Variants in GALNT10 observed in about 807,000 individuals in gnomAD.
GALNT10 encodes GalNAc transferase 10.
Under a neutral mutation model 75.0 loss-of-function variants are expected in GALNT10, and 41 were observed. That is an observed-to-expected ratio of 0.55 (90% CI 0.43 to 0.71). The LOEUF is 0.71. Ranked by LOEUF, GALNT10 falls within the 30% of genes least tolerant of loss-of-function variation. The pLI, the probability that GALNT10 is intolerant of heterozygous loss-of-function variation, is 0.00. For missense variants in GALNT10, 727 were observed against 818.5 expected, an observed-to-expected ratio of 0.89 and a Z score of 1.36; for synonymous variants, 302 against 313.0, an observed-to-expected ratio of 0.96 and a Z score of 0.37.
intron 4 of GALNT10, among the ~76,000 whole-genome samples, chr5:154,353,867 A>ACTCTTATGTGGCTCCCAC (rs1169705599): frequency 6.6e-6 from 1 of 150,924 alleles, no homozygotes; most frequent in African/African-American, 2.4e-5. Context: ...CCCCTTCCTG[A>ACTCTTATGTGGCTCCCAC]CTCCCAGCTC....
intron 3 of GALNT10, among the ~76,000 whole-genome samples, chr5:154,321,198 T>G (rs1359849053): frequency 1.3e-5 from 2 of 152,200 alleles, no homozygotes; most frequent in Non-Finnish European, 2.9e-5. Context: ...CAAAGTAAGT[T>G]GCAAAGTGAC....
chr5:154,359,573 A>G (rs748913248), intron 4 of GALNT10, among the ~76,000 whole-genome samples: 27 of 151,668 alleles, frequency 1.8e-4, no homozygotes, highest in Non-Finnish European at 2.9e-4. Flanking sequence ...GAAAAGAAAA[A>G]ACACTTCCTT....
chr5:154,242,328 C>T (rs1237203496), intron 1 of GALNT10, among the ~76,000 whole-genome samples: 1 of 152,076 alleles, frequency 6.6e-6, no homozygotes, highest in Admixed American at 6.5e-5. Flanking sequence ...CCTGAGGCCG[C>T]ACTTTTCTGG....
In GALNT10 at chr5:154,201,275, C is replaced by T. The variant is rs888399414; in HGVS notation, c.159+10250C>T. On this transcript the variant is annotated intron_variant, in intron 1 of 11. Coordinates refer to ENST00000297107, the MANE Select transcript of GALNT10 (RefSeq NM_198321.4). ...CACCAGTATCACGGTGGAGGCAGGG[C>T]AGGGCTTACGGTCCCCACTTCACAG... 3.9e-5 allele frequency among the ~76,000 whole-genome samples: 6 copies of T among 152,094 alleles called. No individual in the cohort carries two copies. The South Asian group carries it at 1.2e-3, about 32-fold the overall frequency.
intron 2 of GALNT10, 63 bp from the exon 3 acceptor site, chr5:154,297,878 C>G: frequency 2.1e-6 from 3 of 1,397,034 alleles, no homozygotes; most frequent in Middle Eastern, 1.8e-4. Flanking sequence ...CATCCTTTTT[C>G]CCCACTCCAT....
At chr5:154,266,866 G>T (rs1753782620) in intron 1 of GALNT10, among the ~76,000 whole-genome samples, 1 of 152,178 alleles carries the variant, frequency 6.6e-6, no homozygotes, top group Admixed American at 6.5e-5. Flanking sequence ...GGGCGACAGA[G>T]CAAGACCCTC....
At position 154,418,516 on chromosome 5, in the gene GALNT10, A is replaced by T. The variant is rs1756560288; in HGVS notation, c.*1544A>T. 1 of 152,248 alleles carries T rather than the reference A, an allele frequency of 6.6e-6. No individual in the cohort carries two copies. Among genetic ancestry groups the T allele is most frequent in the South Asian group, 2.1e-4 (1 of 4,834 alleles). 9.4% of individuals were successfully genotyped at this position (152,248 alleles called of 1,614,324 possible). A position where few individuals can be genotyped will look rare whatever the true frequency, so the allele number is the denominator to read the frequency against. On this transcript the variant is annotated 3_prime_UTR_variant, in exon 12 of 12. Transcript: ENST00000297107. ...GCTTCCACCAGCTAGCCCAGGAAAT[A>T]CTTGAAATCAGCATTCCAATTAGTG...
chr5:154,292,613 C>T (rs1754210628), intron 1 of GALNT10, among the ~76,000 whole-genome samples: 1 of 152,186 alleles, frequency 6.6e-6, no homozygotes, highest in African/African-American at 2.4e-5. Flanking sequence ...TCCTGGCCTA[C>T]CCCAAGGCTT....
At chr5:154,247,828 G>C (rs1305327506) in intron 1 of GALNT10, among the ~76,000 whole-genome samples, 1 of 152,132 alleles carries the variant, frequency 6.6e-6, no homozygotes, top group Admixed American at 6.5e-5. Context: ...GATTGCCCTG[G>C]CCAGAATTTC....
At chr5:154,286,276 A>G (rs555900827) in intron 1 of GALNT10, among the ~76,000 whole-genome samples, 1 of 152,306 alleles carries the variant, frequency 6.6e-6, no homozygotes, top group South Asian at 2.1e-4. Context: ...GCTTGTGTTC[A>G]TCATACACTT....
At chr5:154,228,872 C>G (rs1264067369) in intron 1 of GALNT10, among the ~76,000 whole-genome samples, 6 of 152,220 alleles carry the variant, frequency 3.9e-5, no homozygotes, top group African/African-American at 1.4e-4. Context: ...ACTCTGGGTT[C>G]TCATTTTCAT....
chr5:154,359,403 G>C (rs1438476469), intron 4 of GALNT10, among the ~76,000 whole-genome samples: 1 of 152,082 alleles, frequency 6.6e-6, no homozygotes, highest in African/African-American at 2.4e-5. Flanking sequence ...ATGGTGACCA[G>C]ACGTGCCTCC....
intron 1 of GALNT10, among the ~76,000 whole-genome samples, chr5:154,256,657 A>G (rs959256538): frequency 6.6e-6 from 1 of 152,156 alleles, no homozygotes; most frequent in Non-Finnish European, 1.5e-5. Flanking sequence ...TGATGAAGAT[A>G]TAGTCAAATG....
chr5:154,330,431 T>C (rs1754838173), intron 4 of GALNT10, among the ~76,000 whole-genome samples: 2 of 152,182 alleles, frequency 1.3e-5, no homozygotes, highest in Admixed American at 1.3e-4. Flanking sequence ...TGGCACACCA[T>C]TTTACAGATG....
intron 7 of GALNT10, among the ~76,000 whole-genome samples, chr5:154,400,780 A>G (rs1582013330): frequency 3.3e-5 from 5 of 152,212 alleles, no homozygotes; most frequent in African/African-American, 2.4e-5. Flanking sequence ...GGAGGAGTCT[A>G]TGAGGGGAGT....
intron 7 of GALNT10, among the ~76,000 whole-genome samples, chr5:154,398,736 CT>C (rs894198804): frequency 1.7e-4 from 26 of 152,318 alleles, no homozygotes; most frequent in African/African-American, 5.5e-4. Context: ...TTCCTGCCCC[CT>C]GTTCCACAAA....
chr5:154,256,319 C>T lies in GALNT10; in HGVS notation c.160-38497C>T, dbSNP rs867743050. ...TGGACATTTGGATTTTTTAAGAGAA[C>T]TTTCTGGATTTTTAAACAGAGGCTG... On this transcript the variant is annotated intron_variant, in intron 1 of 11. Transcript: ENST00000297107. Among the ~76,000 whole-genome samples, 14 of 147,884 alleles carry T rather than the reference C, an allele frequency of 9.5e-5. No individual in the cohort carries two copies. In the South Asian group the frequency reaches 3.0e-3, roughly 32 times the overall value.
At chr5:154,297,341 A>T (rs1278638056) in intron 2 of GALNT10, among the ~76,000 whole-genome samples, 1 of 152,236 alleles carries the variant, frequency 6.6e-6, no homozygotes, top group East Asian at 1.9e-4. Flanking sequence ...AAATCAAAGC[A>T]TCTTTCATCA....
intron 1 of GALNT10, among the ~76,000 whole-genome samples, chr5:154,242,491 T>C (rs1753353060): frequency 6.6e-6 from 1 of 152,236 alleles, no homozygotes; most frequent in South Asian, 2.1e-4. Context: ...TTGAATACTC[T>C]TTGGTGCATC....
Sources: allele counts gnomAD v4.1 joint callset (sites outside exome capture counted in the v4.1 genomes callset), GRCh38; gene constraint gnomAD v4.1.1; transcripts MANE v1.5; gene names NCBI Gene and HGNC (gene_info 2026-07-23, HGNC 2026-07-21).